The following COG4 variants were observed in gnomAD, a reference collection of about 807,000 sequenced individuals.
COG4 encodes conserved oligomeric Golgi complex subunit 4.
In COG4, 65 loss-of-function variants were observed where a neutral mutation model predicts 95.1. That is an observed-to-expected ratio of 0.68 (90% CI 0.56 to 0.84). The LOEUF (loss-of-function observed/expected upper bound fraction) is 0.84. Ranked by LOEUF, COG4 falls within the 40% of genes least tolerant of loss-of-function variation. The pLI is 0.00. For missense variants in COG4, 1,045 were observed against 989.1 expected (o/e 1.06, Z -0.76); for synonymous variants, 421 against 374.8 (o/e 1.12, Z -1.42).
chr16:70,497,023 G>A (rs1389834152), intron 11 of COG4, among the ~76,000 whole-genome samples, 198 bp downstream of exon 11: 1 of 152,110 alleles, frequency 6.6e-6, no homozygotes, highest in African/African-American at 2.4e-5. Context: ...TCTAGTCCAG[G>A]GAACAGAAAT....
At chr16:70,508,699 T>A in intron 7 of COG4, 1 of 655,754 alleles carries the variant, frequency 1.5e-6, no homozygotes. Context: ...ATGCTAATGG[T>A]GTTCCAATAG....
chr16:70,499,388 A>G (rs1264745879), intron 9 of COG4, among the ~76,000 whole-genome samples: 1 of 152,210 alleles, frequency 6.6e-6, no homozygotes, highest in Non-Finnish European at 1.5e-5. Context: ...TTGACAAGCG[A>G]ACTCCAAATG....
chr16:70,483,463 G>C (rs759439059), intron 14 of COG4, among the ~76,000 whole-genome samples: 1 of 151,650 alleles, frequency 6.6e-6, no homozygotes, highest in Non-Finnish European at 1.5e-5. Context: ...AGCTGATTCA[G>C]GTCCAGGGTA....
chr16:70,493,172 T>A (rs2049278981), intron 12 of COG4, among the ~76,000 whole-genome samples: 1 of 152,176 alleles, frequency 6.6e-6, no homozygotes, highest in Non-Finnish European at 1.5e-5. Context: ...TCTCTCCAGC[T>A]CACTGTCCTA....
chr16:70,516,141 T>G (rs1286935273), intron 3 of COG4: 3 of 439,658 alleles, frequency 6.8e-6, no homozygotes, highest in South Asian at 4.9e-5. Flanking sequence ...GGTGTATTAT[T>G]AGGATGGTGC....
intron 13 of COG4, among the ~76,000 whole-genome samples, chr16:70,487,290 T>C (rs11859791): frequency 6.9e-6 from 1 of 145,008 alleles, no homozygotes; most frequent in Admixed American, 6.9e-5. Context: ...AATAAAAAAA[T>C]AAAAATAAAA....
chr16:70,513,423 T>G (rs1417605434), intron 4 of COG4, among the ~76,000 whole-genome samples: 1 of 152,212 alleles, frequency 6.6e-6, no homozygotes, highest in Non-Finnish European at 1.5e-5. Flanking sequence ...AGTAGTCTCT[T>G]CTTATCTGTA....
rs1410906802 is a variant in COG4 at position 70,519,662 on chromosome 16, G to C, written c.241C>G (p.Leu81Val). Residue 81 changes from leucine to valine, a missense_variant, in exon 2 of 19, where the codon CTC becomes GTC. Leu to Val is a conservative substitution (Grantham distance 32). Transcript: ENST00000323786. ...QNTIESKMVT[L>V]HRMGPNLQLI... ...GCACAGACTCACCCCATTCGGTGGA[G>C]AGTGACCATCTTACTTTCAATGGTG... 1 of 1,612,656 alleles carries C rather than the reference G, an allele frequency of 6.2e-7. No homozygotes were observed. Among genetic ancestry groups the C allele is most frequent in the East Asian group, 2.2e-5 (1 of 44,874 alleles).
intron 10 of COG4, among the ~76,000 whole-genome samples, chr16:70,497,618 G>C (rs983480789): frequency 6.6e-6 from 1 of 152,198 alleles, no homozygotes; most frequent in East Asian, 1.9e-4. Flanking sequence ...CCTGGGGAGT[G>C]TAAGATATCT....
chr16:70,504,137 C>A (rs955610824), intron 8 of COG4, among the ~76,000 whole-genome samples: 3 of 152,168 alleles, frequency 2.0e-5, no homozygotes, highest in Non-Finnish European at 4.4e-5. Context: ...CAGTTTCTTC[C>A]TCTGGAAAGT....
At chr16:70,481,960 G>T in intron 16 of COG4, 95 bp from the exon 17 acceptor site, 2 of 1,361,744 alleles carry the variant, frequency 1.5e-6, no homozygotes, top group Non-Finnish European at 2.1e-6. Flanking sequence ...GTGAGGCCAC[G>T]GGGGAGTTTC....
intron 17 of COG4, 58 bp downstream of exon 17, chr16:70,481,706 G>A (rs1567719576): frequency 4.0e-6 from 6 of 1,483,086 alleles, no homozygotes; most frequent in Non-Finnish European, 5.6e-6. Flanking sequence ...GTGGTGGCAT[G>A]ACATGTCTTC....
intron 13 of COG4, among the ~76,000 whole-genome samples, chr16:70,489,616 A>G (rs1478965581): frequency 6.6e-6 from 1 of 151,362 alleles, no homozygotes; most frequent in Non-Finnish European, 1.5e-5. Context: ...GCCTCAAGTA[A>G]TCCTCCTGCC....
intron 6 of COG4, 67 bp from the exon 7 acceptor site, chr16:70,509,455 C>A: frequency 6.4e-7 from 1 of 1,559,900 alleles, no homozygotes; most frequent in Non-Finnish European, 8.8e-7. Flanking sequence ...TTGCTCCCAT[C>A]CAGGACTAAC....
At chr16:70,489,807 T>A (rs1351217113) in intron 13 of COG4, among the ~76,000 whole-genome samples, 1 of 152,068 alleles carries the variant, frequency 6.6e-6, no homozygotes, top group Non-Finnish European at 1.5e-5. Context: ...GCCAACTATG[T>A]GCTGGAAGAT....
At chr16:70,491,467 G>A (rs941330230) in intron 12 of COG4, among the ~76,000 whole-genome samples, 4 of 136,302 alleles carry the variant, frequency 2.9e-5, no homozygotes, top group African/African-American at 1.1e-4. Flanking sequence ...GTTGCAGTGA[G>A]CTGAAATTGT....
chr16:70,511,075 T>C (rs1249555903), intron 5 of COG4, among the ~76,000 whole-genome samples: 1 of 152,168 alleles, frequency 6.6e-6, no homozygotes, highest in Non-Finnish European at 1.5e-5. Flanking sequence ...TGTATTTTGT[T>C]TTTAATTAAC....
At chr16:70,481,229 G>A in intron 18 of COG4, 85 bp from the exon 19 acceptor site, 1 of 1,608,340 alleles carries the variant, frequency 6.2e-7, no homozygotes, top group Non-Finnish European at 8.5e-7. Context: ...CAGAGCAGGG[G>A]CACCCGGGAA....
chr16:70,504,814 G>C (rs1478635846), intron 8 of COG4, among the ~76,000 whole-genome samples: 1 of 151,458 alleles, frequency 6.6e-6, no homozygotes, highest in Non-Finnish European at 1.5e-5. Context: ...GGGAGGTTGA[G>C]GCAGGAGAAT....
Sources: gnomAD v4.1 joint callset for allele counts (sites outside exome capture counted in the v4.1 genomes callset) on GRCh38, gnomAD v4.1.1 for gene constraint, MANE v1.5 for transcripts, NCBI Gene and HGNC (gene_info 2026-07-23, HGNC 2026-07-21) for gene names.